The following ZNF66 variants were observed in gnomAD, a reference collection of about 807,000 sequenced individuals.
ZNF66 encodes the protein putative zinc finger protein 66.
ZNF66 carries 32 observed loss-of-function variants against 35.2 expected under a neutral mutation model. That is an observed-to-expected ratio of 0.91 (90% CI 0.69 to 1.22). The LOEUF is 1.22. Among genes scored for constraint, ZNF66 ranks in the 50% most tolerant of loss-of-function variants. ZNF66 has a pLI of 0.00. For missense variants in ZNF66, 666 were observed against 543.1 expected (o/e 1.23, Z -2.25); for synonymous variants, 231 against 181.3 (o/e 1.27, Z -2.20).
rs1237004444 is a variant in ZNF66, at chr19:20,809,946, C to T, written c.*2624C>T. Among the ~76,000 whole-genome samples the T allele has an allele frequency of 6.6e-6, 1 of 152,060 alleles. No individual in the cohort carries two copies. Among genetic ancestry groups the T allele is most frequent in the African/African-American group, 2.4e-5 (1 of 41,374 alleles). On this transcript the variant is annotated 3_prime_UTR_variant, in exon 4 of 4. Coordinates refer to ENST00000344519, the MANE Select transcript of ZNF66 (RefSeq NM_001355197.2). Reference sequence around the variant, plus strand: ...GTATTCAGGAAACCCATCTCACGTGCAGAGACACACATAGGCTCAAAATAA... The same window carrying T: ...GTATTCAGGAAACCCATCTCACGTGTAGAGACACACATAGGCTCAAAATAA...
chr19:20,778,481 G>A (rs1208516111), intron 1 of ZNF66, among the ~76,000 whole-genome samples: 1 of 151,978 alleles, frequency 6.6e-6, no homozygotes, highest in Non-Finnish European at 1.5e-5. Flanking sequence ...TTCTTATAGG[G>A]GTATAAAATG....
chr19:20,779,199 A>G (rs1226155849), intron 1 of ZNF66, among the ~76,000 whole-genome samples: 1 of 113,512 alleles, frequency 8.8e-6, no homozygotes, highest in Non-Finnish European at 1.9e-5. Flanking sequence ...AAATAAAAAC[A>G]TTAGATTTAT....
chr19:20,799,638 C>A (rs1316034583), intron 3 of ZNF66, among the ~76,000 whole-genome samples: 1 of 151,760 alleles, frequency 6.6e-6, no homozygotes, highest in Non-Finnish European at 1.5e-5. Flanking sequence ...GGAAATAATC[C>A]AACTTCATTT....
At chr19:20,803,851 T>A (rs141631341) in intron 3 of ZNF66, among the ~76,000 whole-genome samples, 179 of 152,292 alleles carry the variant, frequency 1.2e-3, no homozygotes, top group South Asian at 2.3e-3. Flanking sequence ...GTGGTGATGC[T>A]ATTATTCTCA....
chr19:20,806,842 A>G lies in ZNF66; in HGVS notation c.1242A>G (p.Lys414=), dbSNP rs771198184. ...KVFKHSSPLS[K]HKRIHTGEKP... is the part of the protein sequence containing the mutation. The stretch of plus-strand genomic sequence containing the variant: ...TTAAGCACTCCTCTCCCCTTTCTAA[A>G]CATAAGAGAATTCATACTGGAGAGA... The change falls in exon 4 of 4, where the codon AAA becomes AAG. Residue 414 remains lysine, a synonymous_variant. Transcript: ENST00000344519. The G allele has an allele frequency of 5.2e-6, 7 of 1,349,964 alleles. No homozygotes were observed. In the South Asian group the frequency reaches 7.0e-5, roughly 14 times the overall value. The allele number at this position is 1,349,964 out of a possible 1,614,324, so 83.6% of individuals were successfully genotyped here.
chr19:20,792,377 ATTATT>A (rs1364042437), intron 1 of ZNF66, 130 bp from the exon 2 acceptor site: 1 of 795,106 alleles, frequency 1.3e-6, no homozygotes. Context: ...TGTGTTGAAA[ATTATT>A]TTATAGGATA....
chr19:20,791,496 A>AAAAAAAG (rs1555782526), intron 1 of ZNF66, among the ~76,000 whole-genome samples: 24 of 149,606 alleles, frequency 1.6e-4, no homozygotes, highest in South Asian at 4.2e-4. Context: ...AAAAAAAAAA[A>AAAAAAAG]AAAAAAAAAG....
chr19:20,781,563 G>C (rs62125577), intron 1 of ZNF66, among the ~76,000 whole-genome samples: 1 of 151,144 alleles, frequency 6.6e-6, no homozygotes, highest in African/African-American at 2.4e-5. Context: ...AGGCTGGAGT[G>C]CAATGGTGTG....
rs1971554789 is a variant in ZNF66, at chr19:20,808,793, C to T, written c.*1471C>T. 8.0e-6 allele frequency among the ~76,000 whole-genome samples: 1 copy of T among 125,174 alleles called. No individual in the cohort carries two copies. 82.1% of individuals were successfully genotyped at this position (125,174 alleles called of 152,430 possible). ...AAAGTCTAAAAAGCAGAGCACCTCT[C>T]CTCCTCCAAAGGAACACAGTTCCCC... On this transcript the variant is annotated 3_prime_UTR_variant, in exon 4 of 4. Coordinates refer to ENST00000344519, the MANE Select transcript of ZNF66 (RefSeq NM_001355197.2).
Position 20,807,244 on chromosome 19 carries a change from A to T in ZNF66, c.1644A>T (p.Ser548=). The change falls in exon 4 of 4, where the codon TCA becomes TCT. Residue 548 remains serine, a synonymous_variant. Coordinates refer to ENST00000344519, the MANE Select transcript of ZNF66 (RefSeq NM_001355197.2). ...KCNKCGKAFI[S]SSNLSRHEII... is the part of the protein sequence containing the mutation. ...ATAAATGTGGCAAAGCCTTTATTTC[A>T]TCCTCAAACCTTAGTAGACATGAGA... The T allele has an allele frequency of 1.5e-6, 1 of 657,118 alleles. No homozygotes were observed. The highest frequency in any genetic ancestry group is 2.7e-6 in the Non-Finnish European group (1 of 366,086). The allele number at this position is 657,118 out of a possible 1,614,324, so 40.7% of individuals were successfully genotyped here. A position where few individuals can be genotyped will look rare whatever the true frequency, so the allele number is the denominator to read the frequency against.
At chr19:20,800,888 T>G (rs1324033653) in intron 3 of ZNF66, among the ~76,000 whole-genome samples, 1 of 152,130 alleles carries the variant, frequency 6.6e-6, no homozygotes, top group East Asian at 1.9e-4. Context: ...AGTTTTTATC[T>G]GAATTTTCTA....
intron 3 of ZNF66, among the ~76,000 whole-genome samples, chr19:20,802,228 T>C (rs61467776): frequency 0.12 from 18,507 of 152,236 alleles, 1,273 homozygotes; most frequent in Middle Eastern, 0.17. Context: ...CATATACTTT[T>C]GGATTTGCTG....
intron 2 of ZNF66, among the ~76,000 whole-genome samples, chr19:20,793,018 G>A (rs1370902487): frequency 6.6e-6 from 1 of 151,206 alleles, no homozygotes. Flanking sequence ...AGTGAGTTGA[G>A]ATCATGACAT....
intron 1 of ZNF66, among the ~76,000 whole-genome samples, chr19:20,787,619 GT>G (rs1381879600): frequency 1.3e-5 from 2 of 152,130 alleles, no homozygotes; most frequent in African/African-American, 4.8e-5. Flanking sequence ...TTCACATCTT[GT>G]TCATTGACCT....
At chr19:20,797,428 G>A (rs1346261557) in intron 3 of ZNF66, among the ~76,000 whole-genome samples, 4 of 124,074 alleles carry the variant, frequency 3.2e-5, no homozygotes, top group African/African-American at 6.0e-5. Context: ...GGATGGTCTC[G>A]ATCTCCTGAC....
At position 20,809,206 on chromosome 19, in the gene ZNF66, G is replaced by C. The variant is rs546173069; in HGVS notation, c.*1884G>C. On this transcript the variant is annotated 3_prime_UTR_variant, in exon 4 of 4. Coordinates refer to ENST00000344519, the MANE Select transcript of ZNF66 (RefSeq NM_001355197.2). Reference sequence around the variant, plus strand: ...GAAAAGACCAAATCTACCTCTGATTGGTGTACCTGAAAGTGAGGGGGAGAA... The same window carrying C: ...GAAAAGACCAAATCTACCTCTGATTCGTGTACCTGAAAGTGAGGGGGAGAA... 6.6e-6 allele frequency among the ~76,000 whole-genome samples: 1 copy of C among 152,256 alleles called. No individual in the cohort carries two copies. Among genetic ancestry groups the C allele is most frequent in the South Asian group, 2.1e-4 (1 of 4,822 alleles).
At chr19:20,801,629 G>A (rs1297173168) in intron 3 of ZNF66, among the ~76,000 whole-genome samples, 2 of 152,020 alleles carry the variant, frequency 1.3e-5, no homozygotes, top group African/African-American at 4.8e-5. Context: ...ACAGGTGTGA[G>A]CCACTGCATC....
intron 1 of ZNF66, among the ~76,000 whole-genome samples, chr19:20,787,574 C>T (rs973430530): frequency 6.6e-6 from 1 of 152,208 alleles, no homozygotes; most frequent in Non-Finnish European, 1.5e-5. Context: ...AAACATCTTA[C>T]AGCCCCATTT....
At chr19:20,797,149 C>A (rs1250802490) in intron 3 of ZNF66, among the ~76,000 whole-genome samples, 2 of 147,974 alleles carry the variant, frequency 1.4e-5, no homozygotes, top group South Asian at 2.1e-4. Flanking sequence ...CCACACCCGG[C>A]CTGACAATTT....
Sources: gnomAD v4.1 joint callset for allele counts (sites outside exome capture counted in the v4.1 genomes callset) on GRCh38, gnomAD v4.1.1 for gene constraint, MANE v1.5 for transcripts, NCBI Gene and HGNC (gene_info 2026-07-23, HGNC 2026-07-21) for gene names.